SULT1B1: variants seen among roughly 807,000 people sequenced by gnomAD.
SULT1B1 encodes sulfotransferase family 1B member 1, also known as sulfotransferase 1B1.
In SULT1B1, 28 loss-of-function variants were observed where a neutral mutation model predicts 34.6. The ratio of observed to expected loss-of-function variants is 0.81; its 90% CI spans 0.60 to 1.11. SULT1B1 has a LOEUF of 1.11. Among genes scored for constraint, SULT1B1 ranks in the 50% least tolerant of loss-of-function variants. The pLI, the probability that SULT1B1 is intolerant of heterozygous loss-of-function variation, is 0.00. For synonymous variants in SULT1B1, 147 were observed against 110.2 expected, an observed-to-expected ratio of 1.33 and a Z score of -2.09; for missense variants, 374 against 352.2, an observed-to-expected ratio of 1.06 and a Z score of -0.50.
intron 7 of SULT1B1, 23 bp downstream of exon 7, chr4:69,730,478 A>G: frequency 1.3e-6 from 2 of 1,580,624 alleles, no homozygotes; most frequent in South Asian, 2.3e-5. Context: ...CGAAAGGGAA[A>G]TTAAACCCAG....
rs190586511 is a variant in SULT1B1 at position 69,736,966 on chromosome 4, A to G, written c.376-2702T>C. Among the ~76,000 whole-genome samples, 95 of 152,164 alleles carry G rather than the reference A, an allele frequency of 6.2e-4. 1 individual carries two copies. The highest frequency in any genetic ancestry group is 3.4e-3 in the Middle Eastern group (1 of 294). On this transcript the variant is annotated intron_variant, in intron 4 of 7. Transcript: ENST00000310613. ...GAGAATTGGTGACCAAAAACTTCCC[A>G]TAAGTGTTGAAATAAATAAATCAAT...
chr4:69,754,097 T>G (rs1209017103), intron 3 of SULT1B1, among the ~76,000 whole-genome samples: 1 of 152,222 alleles, frequency 6.6e-6, no homozygotes, highest in African/African-American at 2.4e-5. Flanking sequence ...AGCTTTCCTA[T>G]TGTTCGCTTC....
intron 5 of SULT1B1, among the ~76,000 whole-genome samples, chr4:69,733,754 C>A (rs1718182040): frequency 6.6e-6 from 1 of 152,060 alleles, no homozygotes; most frequent in Admixed American, 6.5e-5. Flanking sequence ...TACTTAGTCT[C>A]ATAAAGAAGA....
At chr4:69,734,006 T>C (rs905077887) in intron 5 of SULT1B1, 132 bp downstream of exon 5, 24 of 783,386 alleles carry the variant, frequency 3.1e-5, no homozygotes, top group Non-Finnish European at 4.1e-5. Context: ...TTAGATTTAG[T>C]TTTTTAGATA....
At chr4:69,758,394 G>C in intron 1 of SULT1B1, 1 of 985,076 alleles carries the variant, frequency 1.0e-6, no homozygotes, top group Non-Finnish European at 1.2e-6. Context: ...AGTACATTCA[G>C]ATGTTAGACT....
At chr4:69,749,103 A>G (rs538902410) in intron 4 of SULT1B1, among the ~76,000 whole-genome samples, 254 of 152,160 alleles carry the variant, frequency 1.7e-3, no homozygotes, top group Middle Eastern at 6.8e-3. Context: ...AAATTAATAT[A>G]CTTAAGAGGG....
At position 69,724,318 on chromosome 4, in the gene SULT1B1, T is replaced by A. The variant is rs1011282794; in HGVS notation, c.*2770A>T. The A allele has an allele frequency of 6.6e-6, 1 of 152,226 alleles. No homozygotes were observed. Among genetic ancestry groups the A allele is most frequent in the Admixed American group, 6.5e-5 (1 of 15,276 alleles). 9.4% of individuals were successfully genotyped at this position (152,226 alleles called of 1,614,324 possible). On this transcript the variant is annotated 3_prime_UTR_variant, in exon 8 of 8. Coordinates refer to ENST00000310613, the MANE Select transcript of SULT1B1 (RefSeq NM_014465.4). Reference sequence around the variant, plus strand: ...ACCTAGGAATCCAACTTACAAGGGATGTGAAGGATCACTTCAAGGAGAACT... The same window carrying A: ...ACCTAGGAATCCAACTTACAAGGGAAGTGAAGGATCACTTCAAGGAGAACT...
rs188921900 is a variant in SULT1B1 at position 69,722,625 on chromosome 4, C to A, written c.*4463G>T. 147 of 152,138 alleles carry A rather than the reference C, an allele frequency of 9.7e-4. 1 individual carries two copies. The highest frequency in any genetic ancestry group is 3.4e-3 in the African/African-American group (140 of 41,508). The allele number at this position is 152,138 out of a possible 1,614,324, so 9.4% of individuals were successfully genotyped here. On this transcript the variant is annotated 3_prime_UTR_variant, in exon 8 of 8. Coordinates refer to ENST00000310613, the MANE Select transcript of SULT1B1 (RefSeq NM_014465.4). Reference sequence around the variant, plus strand: ...ACATATTGTAATAAATCTATAGAAGCAAGTATCTCCAGAATAATAGGTGTA... The same window carrying A: ...ACATATTGTAATAAATCTATAGAAGAAAGTATCTCCAGAATAATAGGTGTA...
intron 1 of SULT1B1, among the ~76,000 whole-genome samples, chr4:69,755,521 G>T (rs1311645234): frequency 6.6e-6 from 1 of 152,118 alleles, no homozygotes; most frequent in African/African-American, 2.4e-5. Context: ...TAAAAAGCGT[G>T]TTTCACAGAA....
chr4:69,746,962 G>T (rs2110027099), intron 4 of SULT1B1, among the ~76,000 whole-genome samples: 1 of 152,256 alleles, frequency 6.6e-6, no homozygotes, highest in South Asian at 2.1e-4. Context: ...GCTTTTAGGG[G>T]ACCAAGGCTT....
chr4:69,749,864 A>G, intron 3 of SULT1B1, 46 bp from the exon 4 acceptor site: 1 of 1,437,352 alleles, frequency 7.0e-7, no homozygotes, highest in Non-Finnish European at 9.8e-7. Flanking sequence ...GTCTCCAGAA[A>G]GGCTACGTTT....
chr4:69,753,692 G>C (rs1462536423), intron 3 of SULT1B1, among the ~76,000 whole-genome samples: 1 of 152,128 alleles, frequency 6.6e-6, no homozygotes, highest in African/African-American at 2.4e-5. Flanking sequence ...GATACCCCTT[G>C]TTAAATTAAG....
At chr4:69,756,883 A>G (rs987671629) in intron 1 of SULT1B1, among the ~76,000 whole-genome samples, 4 of 152,040 alleles carry the variant, frequency 2.6e-5, no homozygotes, top group Admixed American at 6.6e-5. Context: ...CGTGAGTCCC[A>G]TTCACATTAG....
intron 4 of SULT1B1, among the ~76,000 whole-genome samples, chr4:69,735,143 C>G (rs749681684): frequency 2.0e-5 from 3 of 151,966 alleles, no homozygotes; most frequent in Non-Finnish European, 4.4e-5. Context: ...GTCACTAAAG[C>G]CCTGGAAATT....
At chr4:69,733,340 G>A (rs2110018591) in intron 6 of SULT1B1, 73 bp downstream of exon 6, 2 of 1,092,376 alleles carry the variant, frequency 1.8e-6, no homozygotes, top group Admixed American at 2.5e-5. Context: ...GACTAAGTTG[G>A]AAAGCAAATA....
rs1457316674 is a variant in SULT1B1, at chr4:69,726,065, TATATATATATATATATAA to T, written c.*1005_*1022del. The T allele has an allele frequency of 3.0e-5, 3 of 100,722 alleles. No individual in the cohort carries two copies. Among genetic ancestry groups the T allele is most frequent in the African/African-American group, 1.2e-4 (3 of 24,580 alleles). The allele number at this position is 100,722 out of a possible 1,614,324, so 6.2% of individuals were successfully genotyped here. The stretch of plus-strand genomic sequence containing the variant: ...ATATATATATATATATATATATATA[TATATATATATATATATAA>T]ATGTTCCAAGAAAACATAGATCAGA... On this transcript the variant is annotated 3_prime_UTR_variant, in exon 8 of 8. Transcript: ENST00000310613.
intron 4 of SULT1B1, 130 bp from the exon 5 acceptor site, chr4:69,734,394 T>G: frequency 1.1e-6 from 1 of 897,888 alleles, no homozygotes; most frequent in Non-Finnish European, 1.6e-6. Flanking sequence ...AGGGAGGCCC[T>G]TCTATTAACA....
Position 69,726,908 on chromosome 4 carries a change from A to T in SULT1B1, c.*180T>A, listed in dbSNP as rs1373210249. On this transcript the variant is annotated 3_prime_UTR_variant, in exon 8 of 8. Coordinates refer to ENST00000310613, the MANE Select transcript of SULT1B1 (RefSeq NM_014465.4). ...AACTTTAGCCTTAGAGAATTTGGAA[A>T]CTCAGAATCAAAGGAACAAAACTGG... 6.5e-6 allele frequency: 3 copies of T among 464,726 alleles called. No homozygotes were observed. The highest frequency in any genetic ancestry group is 1.1e-5 in the Non-Finnish European group (3 of 269,202). 28.8% of individuals were successfully genotyped at this position (464,726 alleles called of 1,614,324 possible). A position where few individuals can be genotyped will look rare whatever the true frequency, so the allele number is the denominator to read the frequency against.
At chr4:69,733,887 A>G (rs1479061098) in intron 5 of SULT1B1, among the ~76,000 whole-genome samples, 3 of 152,148 alleles carry the variant, frequency 2.0e-5, no homozygotes, top group Non-Finnish European at 2.9e-5. Flanking sequence ...GTGAGGAGAG[A>G]CTGATAATGG....
Sources: gnomAD v4.1 joint callset for allele counts (sites outside exome capture counted in the v4.1 genomes callset) on GRCh38, gnomAD v4.1.1 for gene constraint, MANE v1.5 for transcripts, NCBI Gene and HGNC (gene_info 2026-07-23, HGNC 2026-07-21) for gene names.